ROBO1: variants seen among roughly 807,000 people sequenced by gnomAD.
ROBO1 encodes the protein roundabout guidance receptor 1.
Under a neutral mutation model 195.9 loss-of-function variants are expected in ROBO1, and 149 were observed. The observed-to-expected ratio is 0.76, with a 90% CI of 0.67 to 0.87. The LOEUF (loss-of-function observed/expected upper bound fraction) is 0.87. ROBO1 is among the 40% of genes least tolerant of loss of function. The pLI, the probability that ROBO1 is intolerant of heterozygous loss-of-function variation, is 0.00. For missense variants in ROBO1, 1,933 were observed against 2,068.3 expected, an observed-to-expected ratio of 0.93 and a Z score of 1.27; for synonymous variants, 816 against 733.2, an observed-to-expected ratio of 1.11 and a Z score of -1.82.
chr3:79,539,116 T>C (rs1464778638), intron 2 of ROBO1, among the ~76,000 whole-genome samples: 1 of 152,138 alleles, frequency 6.6e-6, no homozygotes, highest in Non-Finnish European at 1.5e-5. Flanking sequence ...CCAAATAACT[T>C]AGCATAACTT....
chr3:79,428,331 G>C (rs1390436716), intron 2 of ROBO1, among the ~76,000 whole-genome samples: 1 of 151,290 alleles, frequency 6.6e-6, no homozygotes, highest in Non-Finnish European at 1.5e-5. Context: ...ATAAAATGGA[G>C]ATTCTAGTGT....
intron 4 of ROBO1, among the ~76,000 whole-genome samples, chr3:78,922,527 C>G (rs908772720): frequency 6.6e-6 from 1 of 151,990 alleles, no homozygotes; most frequent in African/African-American, 2.4e-5. Context: ...CTCCTTCTCC[C>G]TCTTCCTCTC....
intron 26 of ROBO1, among the ~76,000 whole-genome samples, chr3:78,620,251 T>A (rs1264263291): frequency 6.6e-6 from 1 of 152,000 alleles, no homozygotes; most frequent in Non-Finnish European, 1.5e-5. Flanking sequence ...CTGGGCTTGG[T>A]GGTGTGCACC....
At chr3:79,066,774 T>A (rs2079009706) in intron 3 of ROBO1, among the ~76,000 whole-genome samples, 1 of 151,900 alleles carries the variant, frequency 6.6e-6, no homozygotes, top group Non-Finnish European at 1.5e-5. Flanking sequence ...CAAGAAGATA[T>A]AAGGCAGAAA....
intron 10 of ROBO1, among the ~76,000 whole-genome samples, chr3:78,685,386 G>A (rs945275476): frequency 1.3e-5 from 2 of 152,012 alleles, no homozygotes; most frequent in African/African-American, 4.8e-5. Flanking sequence ...AGGACCTAAA[G>A]ATTTATCTTA....
In ROBO1 at chr3:78,855,827, A is replaced by G. The variant is rs962026179; in HGVS notation, c.499+82774T>C. On this transcript the variant is annotated intron_variant, in intron 4 of 30. Transcript: ENST00000464233. ...ATGAACAAAGAATTGCAAAAGAAAA[A>G]GTATCACAAACACCTCACTCAGTCA... Among the ~76,000 whole-genome samples, 54 of 152,178 alleles carry G rather than the reference A, an allele frequency of 3.5e-4. 1 individual carries two copies. The highest frequency in any genetic ancestry group is 6.6e-4 in the Non-Finnish European group (45 of 68,008).
intron 2 of ROBO1, among the ~76,000 whole-genome samples, chr3:79,248,357 T>A: frequency 9.2e-6 from 1 of 108,640 alleles, no homozygotes; most frequent in Admixed American, 1.4e-4. Flanking sequence ...GATAAGGTCC[T>A]AGATGGGAAG....
intron 1 of ROBO1, among the ~76,000 whole-genome samples, chr3:79,678,728 A>G (rs759466407): frequency 1.6e-4 from 24 of 152,094 alleles, no homozygotes; most frequent in Non-Finnish European, 2.8e-4. Context: ...AGTACATGGA[A>G]GAAATTGGTA....
At chr3:79,720,939 C>T (rs1293288449) in intron 1 of ROBO1, among the ~76,000 whole-genome samples, 1 of 151,958 alleles carries the variant, frequency 6.6e-6, no homozygotes, top group Non-Finnish European at 1.5e-5. Flanking sequence ...ACTACAGGCG[C>T]CCGCCACCGT....
intron 4 of ROBO1, among the ~76,000 whole-genome samples, chr3:78,936,700 C>T (rs1038557613): frequency 2.0e-5 from 3 of 151,926 alleles, no homozygotes; most frequent in East Asian, 1.9e-4. Context: ...GTAAATACTA[C>T]GTCATATATA....
At chr3:79,440,248 G>A (rs1419293625) in intron 2 of ROBO1, among the ~76,000 whole-genome samples, 1 of 152,004 alleles carries the variant, frequency 6.6e-6, no homozygotes, top group Non-Finnish European at 1.5e-5. Context: ...ATGAAAGTAT[G>A]TCATGAAAAG....
chr3:79,261,633 T>C (rs956523758), intron 2 of ROBO1, among the ~76,000 whole-genome samples: 1 of 151,980 alleles, frequency 6.6e-6, no homozygotes, highest in Non-Finnish European at 1.5e-5. Context: ...CCACCAAATG[T>C]AGTAGGCCGT....
At chr3:79,743,978 G>A (rs1703763589) in intron 1 of ROBO1, among the ~76,000 whole-genome samples, 1 of 152,000 alleles carries the variant, frequency 6.6e-6, no homozygotes, top group African/African-American at 2.4e-5. Context: ...TTAAGTAGGA[G>A]TACATTCTAA....
At chr3:79,491,993 G>A (rs941078082) in intron 2 of ROBO1, among the ~76,000 whole-genome samples, 8 of 151,676 alleles carry the variant, frequency 5.3e-5, no homozygotes, top group South Asian at 4.2e-4. Context: ...TAAACATTCC[G>A]GGCTACTGGT....
intron 3 of ROBO1, among the ~76,000 whole-genome samples, chr3:79,085,665 C>T (rs1368789445): frequency 2.0e-5 from 3 of 152,100 alleles, no homozygotes; most frequent in Non-Finnish European, 4.4e-5. Context: ...TGGATAGCAC[C>T]TTTTCCTTCA....
intron 4 of ROBO1, among the ~76,000 whole-genome samples, chr3:78,760,713 C>T (rs538356204): frequency 6.6e-6 from 1 of 152,214 alleles, no homozygotes; most frequent in East Asian, 1.9e-4. Flanking sequence ...GTTATCATGG[C>T]TCACGGCAAC....
intron 4 of ROBO1, among the ~76,000 whole-genome samples, chr3:78,910,629 C>A (rs929122894): frequency 6.6e-6 from 1 of 151,784 alleles, no homozygotes; most frequent in African/African-American, 2.4e-5. Flanking sequence ...AAGAGAGAAA[C>A]GGCAAATGAC....
intron 2 of ROBO1, among the ~76,000 whole-genome samples, chr3:79,465,800 T>A (rs534938757): frequency 6.6e-6 from 1 of 152,148 alleles, no homozygotes; most frequent in Non-Finnish European, 1.5e-5. Context: ...GTTAAACTCC[T>A]GGAATGTTTC....
At chr3:78,805,371 C>A (rs1312539266) in intron 4 of ROBO1, among the ~76,000 whole-genome samples, 3 of 151,992 alleles carry the variant, frequency 2.0e-5, no homozygotes, top group African/African-American at 7.2e-5. Flanking sequence ...ATGAGAAAGT[C>A]ACTAAAAAAT....
Sources: gnomAD v4.1 joint callset for allele counts (sites outside exome capture counted in the v4.1 genomes callset) on GRCh38, gnomAD v4.1.1 for gene constraint, MANE v1.5 for transcripts, NCBI Gene and HGNC (gene_info 2026-07-23, HGNC 2026-07-21) for gene names.